Variants in HACL1 observed in about 807,000 individuals in gnomAD.
The protein encoded by HACL1 is 2-hydroxyacyl-CoA lyase 1, also known as 1600020H07Rik.
A neutral mutation model predicts 74.2 loss-of-function variants in HACL1; 64 were observed. The ratio of observed to expected loss-of-function variants is 0.86; its 90% CI spans 0.70 to 1.06. HACL1 has a LOEUF of 1.06. HACL1 is among the 50% of genes least tolerant of loss of function. The pLI is 0.00. For synonymous variants in HACL1, 230 were observed against 238.8 expected, an observed-to-expected ratio of 0.96 and a Z score of 0.34; for missense variants, 728 against 719.7, an observed-to-expected ratio of 1.01 and a Z score of -0.13.
At chr3:15,585,370 AT>A (rs1260458497) in intron 6 of HACL1, 28 bp from the exon 7 acceptor site, 1 of 1,231,216 alleles carries the variant, frequency 8.1e-7, no homozygotes, top group East Asian at 2.3e-5. Flanking sequence ...AGAAGAAAAG[AT>A]TTGTAAAATC....
chr3:15,566,159 C>T (rs910156871), intron 14 of HACL1, among the ~76,000 whole-genome samples: 2 of 152,144 alleles, frequency 1.3e-5, no homozygotes, highest in African/African-American at 4.8e-5. Context: ...CAAAGCTTTG[C>T]CAACCCCAAA....
chr3:15,586,610 GA>G lies in HACL1; in HGVS notation c.382-9del. The G allele has an allele frequency of 6.6e-7, 1 of 1,515,692 alleles. No individual in the cohort carries two copies. The highest frequency in any genetic ancestry group is 9.1e-7 in the Non-Finnish European group (1 of 1,092,970). 93.9% of individuals were successfully genotyped at this position (1,515,692 alleles called of 1,614,324 possible). A position where few individuals can be genotyped will look rare whatever the true frequency, so the allele number is the denominator to read the frequency against. ...TAATCTACAAGCTTCAACCTACATG[GA>G]AAATGAAAATCACTTAAAATTCAGC... On this transcript the variant is annotated splice_polypyrimidine_tract_variant and intron_variant, in intron 5 of 16. Transcript: ENST00000321169.
At chr3:15,596,477 T>C in intron 2 of HACL1, 53 bp from the exon 3 acceptor site, 1 of 1,024,646 alleles carries the variant, frequency 9.8e-7, no homozygotes, top group South Asian at 1.3e-5. Context: ...TATAGTACAT[T>C]TATGACAGCA....
At chr3:15,562,649 G>A (rs1340895244) in intron 16 of HACL1, among the ~76,000 whole-genome samples, 1 of 152,172 alleles carries the variant, frequency 6.6e-6, no homozygotes, top group Non-Finnish European at 1.5e-5. Flanking sequence ...ATATGAGGCG[G>A]CAAGTGGCAG....
chr3:15,561,240 T>C (rs993336831), intron 16 of HACL1, among the ~76,000 whole-genome samples: 1 of 152,090 alleles, frequency 6.6e-6, no homozygotes, highest in Non-Finnish European at 1.5e-5. Flanking sequence ...AGGACATGAG[T>C]AGGAAGAACT....
intron 1 of HACL1, 57 bp from the exon 2 acceptor site, chr3:15,601,251 C>A (rs1293422760): frequency 3.3e-6 from 5 of 1,536,222 alleles, no homozygotes; most frequent in Non-Finnish European, 4.5e-6. Context: ...TCGCCACATC[C>A]TTCCCTCCCT....
chr3:15,596,235 T>A, intron 3 of HACL1, 149 bp downstream of exon 3: 2 of 608,304 alleles, frequency 3.3e-6, no homozygotes. Context: ...TTTGATGTGG[T>A]CCTCAGAGAG....
At chr3:15,588,658 T>C (rs1181795378) in intron 5 of HACL1, among the ~76,000 whole-genome samples, 3 of 152,190 alleles carry the variant, frequency 2.0e-5, no homozygotes, top group African/African-American at 4.8e-5. Context: ...TACAGACATA[T>C]GTTTGGTCTC....
intron 3 of HACL1, among the ~76,000 whole-genome samples, chr3:15,592,282 G>A (rs1159956829): frequency 7.0e-6 from 1 of 143,720 alleles, no homozygotes; most frequent in African/African-American, 2.8e-5. Context: ...GTATACATAC[G>A]TGTATATGTA....
Position 15,592,089 on chromosome 3 carries a change from C to CGTATATAT in HACL1, c.228-410_228-409insATATATAC, listed in dbSNP as rs1164074096. 2.6e-3 allele frequency among the ~76,000 whole-genome samples: 343 copies of CGTATATAT among 132,532 alleles called. 1 individual carries two copies. Among genetic ancestry groups the CGTATATAT allele is most frequent in the African/African-American group, 0.01 (329 of 31,812 alleles). 86.9% of individuals were successfully genotyped at this position (132,532 alleles called of 152,430 possible). ...ACGTATATACGTATACGTATATATA[C>CGTATATAT]ACACACTATATACGTATATATACAC... On this transcript the variant is annotated intron_variant, in intron 3 of 16. Transcript: ENST00000321169.
Position 15,560,798 on chromosome 3 carries a change from G to C in HACL1, c.*67C>G. 1 of 1,034,638 alleles carries C rather than the reference G, an allele frequency of 9.7e-7. No homozygotes were observed. Among genetic ancestry groups the C allele is most frequent in the Non-Finnish European group, 1.5e-6 (1 of 664,764 alleles). 64.1% of individuals were successfully genotyped at this position (1,034,638 alleles called of 1,614,324 possible). A position where few individuals can be genotyped will look rare whatever the true frequency, so the allele number is the denominator to read the frequency against. On this transcript the variant is annotated 3_prime_UTR_variant, in exon 17 of 17. Transcript: ENST00000321169. The stretch of plus-strand genomic sequence containing the variant: ...ACAATTTTAACAGTAGAGTAATTTT[G>C]CTGTGGAAAATAAAATTTCATCTTG...
chr3:15,567,377 T>C (rs962507778), intron 14 of HACL1, among the ~76,000 whole-genome samples: 4 of 133,424 alleles, frequency 3.0e-5, no homozygotes, highest in South Asian at 2.2e-4. Context: ...GTCTGGCTAA[T>C]TTTTTTTTTT....
chr3:15,586,066 T>C (rs1408323786), intron 6 of HACL1, among the ~76,000 whole-genome samples: 1 of 152,198 alleles, frequency 6.6e-6, no homozygotes, highest in Non-Finnish European at 1.5e-5. Context: ...TATGCAAATA[T>C]TCTAAAATCT....
intron 1 of HACL1, 57 bp downstream of exon 1, chr3:15,601,326 A>G (rs2064227257): frequency 1.2e-6 from 2 of 1,609,438 alleles, no homozygotes; most frequent in African/African-American, 1.3e-5. Context: ...CCAAGACAAC[A>G]TCGCGGTCCC....
At chr3:15,578,632 T>C (rs2063667094) in intron 9 of HACL1, among the ~76,000 whole-genome samples, 2 of 152,158 alleles carry the variant, frequency 1.3e-5, no homozygotes, top group African/African-American at 4.8e-5. Flanking sequence ...TCAGATTTTT[T>C]TTCTTTTTTT....
chr3:15,586,304 C>A (rs1283315535), intron 6 of HACL1, among the ~76,000 whole-genome samples: 1 of 152,090 alleles, frequency 6.6e-6, no homozygotes, highest in Non-Finnish European at 1.5e-5. Flanking sequence ...AAAACTAAAA[C>A]ACAGGAGAAA....
chr3:15,563,288 T>A, intron 16 of HACL1, 70 bp downstream of exon 16: 2 of 1,011,614 alleles, frequency 2.0e-6, no homozygotes, highest in Non-Finnish European at 3.1e-6. Context: ...TTCTGTTTGG[T>A]AGATACTTTT....
rs2063554460 is a variant in HACL1 at position 15,572,604 on chromosome 3, G to C, written c.993+555C>G. Reference sequence around the variant, plus strand: ...GTGATTCAAGATTATATCCTATATTGTGTAATCATGACAACAATACCAAAT... The same window carrying C: ...GTGATTCAAGATTATATCCTATATTCTGTAATCATGACAACAATACCAAAT... On this transcript the variant is annotated intron_variant, in intron 11 of 16. Coordinates refer to ENST00000321169, the MANE Select transcript of HACL1 (RefSeq NM_012260.4). Among the ~76,000 whole-genome samples, 2 of 152,338 alleles carry C rather than the reference G, an allele frequency of 1.3e-5. 1 individual carries two copies. The highest frequency in any genetic ancestry group is 4.1e-4 in the South Asian group (2 of 4,830).
chr3:15,590,906 C>G (rs2063880491), intron 4 of HACL1, among the ~76,000 whole-genome samples: 1 of 152,118 alleles, frequency 6.6e-6, no homozygotes, highest in African/African-American at 2.4e-5. Flanking sequence ...CATGGTGAAA[C>G]CTCTTCTCTA....
Sources: gnomAD v4.1 joint callset for allele counts (sites outside exome capture counted in the v4.1 genomes callset) on GRCh38, gnomAD v4.1.1 for gene constraint, MANE v1.5 for transcripts, NCBI Gene and HGNC (gene_info 2026-07-23, HGNC 2026-07-21) for gene names.